Variants in MGAT4C observed in about 807,000 individuals in gnomAD.
The protein encoded by MGAT4C is alpha-1,3-mannosyl-glycoprotein 4-beta-N-acetylglucosaminyltransferase C.
MGAT4C carries 19 observed loss-of-function variants against 40.1 expected under a neutral mutation model. That is an observed-to-expected ratio of 0.47 (90% CI 0.33 to 0.70). MGAT4C has a LOEUF of 0.70. Among genes scored for constraint, MGAT4C ranks in the 30% least tolerant of loss-of-function variants. The probability of loss-of-function intolerance (pLI) is 0.02; values close to 1 mark genes in which losing one functional copy is unlikely to be tolerated. For missense variants in MGAT4C, 491 were observed against 563.2 expected (o/e 0.87, Z 1.30); for synonymous variants, 181 against 187.1 (o/e 0.97, Z 0.27).
rs1326716626 is a variant in MGAT4C at position 85,967,425 on chromosome 12, A to G, written c.*11864T>C. ...ACGTTTTAAAATACATAAAACCCATAAATTCAAGCTTATTAGTTTTCATTT... is the reference window on the plus strand; with the variant it reads ...ACGTTTTAAAATACATAAAACCCATGAATTCAAGCTTATTAGTTTTCATTT... On this transcript the variant is annotated 3_prime_UTR_variant, in exon 5 of 5. Coordinates refer to ENST00000611864, the MANE Select transcript of MGAT4C (RefSeq NM_001351288.2). 3 of 152,134 alleles carry G rather than the reference A, an allele frequency of 2.0e-5. No homozygotes were observed. The East Asian group carries it at 5.8e-4, about 29-fold the overall frequency. The allele number at this position is 152,134 out of a possible 1,614,324, so 9.4% of individuals were successfully genotyped here.
At chr12:86,002,946 G>T (rs372532267) in intron 2 of MGAT4C, among the ~76,000 whole-genome samples, 1 of 151,846 alleles carries the variant, frequency 6.6e-6, no homozygotes, top group Non-Finnish European at 1.5e-5. Context: ...GACTACAGGC[G>T]TCCGCAATCA....
Position 86,597,016 on chromosome 12 carries a change from A to G in MGAT4C, c.-229+130193T>C, listed in dbSNP as rs569047064. On this transcript the variant is annotated intron_variant, in intron 2 of 7. Transcript: ENST00000548651. ...ACAGATATCATAAGATGGACAGAAC[A>G]GACTCTTTGTGGCAATAAGATCTTA... Among the ~76,000 whole-genome samples the G allele has an allele frequency of 2.6e-5, 4 of 152,358 alleles. No homozygotes were observed. In the East Asian group the frequency reaches 7.7e-4, roughly 29 times the overall value.
intron 2 of MGAT4C, among the ~76,000 whole-genome samples, chr12:86,647,232 T>C (rs984415663): frequency 4.6e-5 from 7 of 152,058 alleles, no homozygotes; most frequent in Non-Finnish European, 1.0e-4. Context: ...GAATTATATA[T>C]TGTTCTTGTT....
intron 2 of MGAT4C, among the ~76,000 whole-genome samples, chr12:86,453,988 AG>A (rs1305471769): frequency 2.0e-5 from 3 of 152,146 alleles, no homozygotes; most frequent in Non-Finnish European, 4.4e-5. Context: ...CACAAAAAGA[AG>A]CTGGCATGGC....
intron 4 of MGAT4C, among the ~76,000 whole-genome samples, chr12:86,332,652 T>TG (rs1555268049): frequency 1.8e-4 from 28 of 151,896 alleles, no homozygotes; most frequent in Admixed American, 1.5e-3. Context: ...AGGTTTTTTT[T>TG]TGTGTGTGTG....
At chr12:86,438,492 T>C (rs139190284) in intron 2 of MGAT4C, among the ~76,000 whole-genome samples, 48 of 151,324 alleles carry the variant, frequency 3.2e-4, no homozygotes, top group African/African-American at 1.1e-3. Flanking sequence ...GTGGCTAGAG[T>C]AAACAACAAA....
chr12:85,973,146 G>A lies in MGAT4C; in HGVS notation c.*6143C>T, dbSNP rs543398409. On this transcript the variant is annotated 3_prime_UTR_variant, in exon 5 of 5. Transcript: ENST00000611864. ...CCACATATCTCTGTGCCATACTTTT[G>A]GTACCTTCATAATAAACGGTAAAGT... The A allele has an allele frequency of 3.3e-5, 5 of 150,722 alleles. No individual in the cohort carries two copies. The highest frequency in any genetic ancestry group is 1.2e-4 in the African/African-American group (5 of 41,380). 9.3% of individuals were successfully genotyped at this position (150,722 alleles called of 1,614,324 possible).
chr12:86,494,337 T>G (rs2136326805), intron 2 of MGAT4C, among the ~76,000 whole-genome samples: 1 of 152,102 alleles, frequency 6.6e-6, no homozygotes, highest in East Asian at 1.9e-4. Context: ...TTTTATTTGA[T>G]AAAAGTATTT....
At chr12:86,370,914 G>T (rs906856335) in intron 3 of MGAT4C, among the ~76,000 whole-genome samples, 1 of 151,946 alleles carries the variant, frequency 6.6e-6, no homozygotes, top group Non-Finnish European at 1.5e-5. Context: ...ATGGCAGAGG[G>T]GTGAGGGGTG....
At chr12:86,776,829 T>C (rs950087840) in intron 1 of MGAT4C, among the ~76,000 whole-genome samples, 3 of 152,126 alleles carry the variant, frequency 2.0e-5, no homozygotes, top group East Asian at 3.8e-4. Flanking sequence ...ATGAGACATA[T>C]AAATATCAGA....
chr12:86,071,540 C>T (rs1221836618), intron 1 of MGAT4C, among the ~76,000 whole-genome samples: 2 of 151,980 alleles, frequency 1.3e-5, no homozygotes, highest in Non-Finnish European at 2.9e-5. Context: ...CTTTGTTGCT[C>T]TTATGAAGGC....
At chr12:86,819,574 A>C (rs756543012) in intron 1 of MGAT4C, among the ~76,000 whole-genome samples, 2 of 150,970 alleles carry the variant, frequency 1.3e-5, no homozygotes, top group Non-Finnish European at 3.0e-5. Context: ...GGAAAAGTTA[A>C]GATAAAAAGC....
chr12:86,612,701 C>T (rs1962325713), intron 2 of MGAT4C, among the ~76,000 whole-genome samples: 2 of 143,142 alleles, frequency 1.4e-5, no homozygotes, highest in Admixed American at 7.2e-5. Context: ...GATCATGCCA[C>T]TGCACTCCAG....
At position 86,169,689 on chromosome 12, in the gene MGAT4C, C is replaced by T. The variant is rs933708536; in HGVS notation, c.-57+86550G>A. 8.5e-4 allele frequency among the ~76,000 whole-genome samples: 129 copies of T among 152,078 alleles called. 1 individual carries two copies. The highest frequency in any genetic ancestry group is 2.7e-3 in the African/African-American group (114 of 41,494). On this transcript the variant is annotated intron_variant, in intron 1 of 4. Transcript: ENST00000611864. Reference sequence around the variant, plus strand: ...TTCACAGGTGACTGAAAAAATCAGGCGGAGAGGCACAGAACACATAGAGAT... The same window carrying T: ...TTCACAGGTGACTGAAAAAATCAGGTGGAGAGGCACAGAACACATAGAGAT...
At chr12:86,135,861 A>C (rs970380810) in intron 1 of MGAT4C, among the ~76,000 whole-genome samples, 16 of 152,226 alleles carry the variant, frequency 1.1e-4, no homozygotes, top group Admixed American at 1.0e-3. Context: ...TTATTGCTAA[A>C]TTACGATGCA....
chr12:86,138,011 C>T (rs1196207745), intron 1 of MGAT4C, among the ~76,000 whole-genome samples: 1 of 152,138 alleles, frequency 6.6e-6, no homozygotes, highest in East Asian at 1.9e-4. Flanking sequence ...TACATGGTTT[C>T]TTCCTCTTCC....
At chr12:86,233,246 A>C (rs1202709921) in intron 1 of MGAT4C, among the ~76,000 whole-genome samples, 1 of 152,198 alleles carries the variant, frequency 6.6e-6, no homozygotes, top group African/African-American at 2.4e-5. Context: ...CTTATATGCA[A>C]GTCTGTTTTC....
intron 1 of MGAT4C, among the ~76,000 whole-genome samples, chr12:86,084,340 G>A (rs1052091479): frequency 1.3e-5 from 2 of 151,964 alleles, no homozygotes; most frequent in African/African-American, 4.8e-5. Context: ...ATGAAGTATT[G>A]TACCAGAGTA....
At chr12:86,359,098 G>T (rs1343488096) in intron 3 of MGAT4C, among the ~76,000 whole-genome samples, 1 of 152,188 alleles carries the variant, frequency 6.6e-6, no homozygotes, top group African/African-American at 2.4e-5. Flanking sequence ...CTCAGTAAAT[G>T]TAAAAGAACA....
Sources: allele counts gnomAD v4.1 joint callset (sites outside exome capture counted in the v4.1 genomes callset), GRCh38; gene constraint gnomAD v4.1.1; transcripts MANE v1.5; gene names NCBI Gene and HGNC (gene_info 2026-07-23, HGNC 2026-07-21).